Variants in NDUFS4 observed in about 807,000 individuals in gnomAD.
The protein encoded by NDUFS4 is NADH:ubiquinone oxidoreductase subunit S4, also known as NADH dehydrogenase [ubiquinone] iron-sulfur protein 4, mitochondrial.
A neutral mutation model predicts 24.3 loss-of-function variants in NDUFS4; 28 were observed. The observed-to-expected ratio is 1.15, with a 90% CI of 0.85 to 1.58. The LOEUF is 1.58. NDUFS4 is among the 40% of genes most tolerant of loss of function. The pLI, the probability that NDUFS4 is intolerant of heterozygous loss-of-function variation, is 0.00. For missense variants in NDUFS4, 223 were observed against 207.9 expected (o/e 1.07, Z -0.45); for synonymous variants, 93 against 69.7 (o/e 1.34, Z -1.67).
chr5:53,667,416 G>A (rs1427853989), intron 4 of NDUFS4, among the ~76,000 whole-genome samples: 2 of 150,556 alleles, frequency 1.3e-5, no homozygotes, highest in African/African-American at 4.9e-5. Context: ...AGTGAGCTGA[G>A]ATCGTGCCAT....
intron 2 of NDUFS4, among the ~76,000 whole-genome samples, chr5:53,612,581 ATGT>A (rs1228626252): frequency 2.0e-5 from 3 of 152,106 alleles, no homozygotes; most frequent in East Asian, 3.8e-4. Flanking sequence ...TGTAAAACAA[ATGT>A]TGTCAGTATT....
rs1420528593 is a variant in NDUFS4 at position 53,617,137 on chromosome 5, C to A, written c.177+13607C>A. Among the ~76,000 whole-genome samples, 13 of 152,278 alleles carry A rather than the reference C, an allele frequency of 8.5e-5. No individual in the cohort carries two copies. The East Asian group carries it at 2.5e-3, about 29-fold the overall frequency. ...ATAAATTGGCTGAGGTGCTGTCCAC[C>A]AGTTTGGTGCTGATAGCTTCAAATA... is the stretch of plus-strand genomic sequence containing the variant. On this transcript the variant is annotated intron_variant, in intron 2 of 4. Coordinates refer to ENST00000296684, the MANE Select transcript of NDUFS4 (RefSeq NM_002495.4).
intron 3 of NDUFS4, among the ~76,000 whole-genome samples, chr5:53,648,868 T>A (rs1254747369): frequency 1.3e-5 from 2 of 152,058 alleles, no homozygotes; most frequent in Non-Finnish European, 2.9e-5. Flanking sequence ...AAACACAATA[T>A]CCCCACCAAT....
intron 4 of NDUFS4, among the ~76,000 whole-genome samples, chr5:53,673,936 T>G (rs1173197670): frequency 6.6e-6 from 1 of 152,154 alleles, no homozygotes; most frequent in Non-Finnish European, 1.5e-5. Context: ...AGATACAGCC[T>G]CTCTGTAGCA....
intron 1 of NDUFS4, among the ~76,000 whole-genome samples, chr5:53,601,196 G>T (rs1750310830): frequency 6.6e-6 from 1 of 151,710 alleles, no homozygotes; most frequent in Non-Finnish European, 1.5e-5. Flanking sequence ...GTAGAGACGG[G>T]GTTTCACCGT....
chr5:53,651,411 C>G (rs1475025665), intron 3 of NDUFS4, among the ~76,000 whole-genome samples: 1 of 151,830 alleles, frequency 6.6e-6, no homozygotes, highest in Non-Finnish European at 1.5e-5. Context: ...TATCACTTAA[C>G]TAAGAAATAA....
intron 1 of NDUFS4, among the ~76,000 whole-genome samples, chr5:53,566,849 A>ATT (rs34167752): frequency 0.034 from 4,674 of 136,608 alleles, 306 homozygotes; most frequent in African/African-American, 0.12. Flanking sequence ...ACCGCCAAGT[A>ATT]TTTTTTTTTT....
rs3085740 is a variant in NDUFS4 at position 53,682,946 on chromosome 5, GGATT to G, written c.425-167_425-164del. 0.78 allele frequency among the ~76,000 whole-genome samples: 118,577 copies of G among 151,524 alleles called. 46,517 individuals are homozygous for G. Among genetic ancestry groups the G allele is most frequent in the African/African-American group, 0.83 (34,426 of 41,336 alleles). On this transcript the variant is annotated intron_variant, in intron 4 of 4. Transcript: ENST00000296684. Reference sequence around the variant, plus strand: ...ATCTTTTGGACCCTTTTCTCACAGAGGATTGATTATAAGGGAACAAATAGTAAGT... The same window carrying G: ...ATCTTTTGGACCCTTTTCTCACAGAGGATTATAAGGGAACAAATAGTAAGT...
At chr5:53,584,058 C>G (rs1032005158) in intron 1 of NDUFS4, among the ~76,000 whole-genome samples, 3 of 152,184 alleles carry the variant, frequency 2.0e-5, no homozygotes, top group African/African-American at 7.2e-5. Flanking sequence ...CCTGCTGCAT[C>G]TCACTTACAC....
chr5:53,646,605 G>A (rs1015599101), intron 3 of NDUFS4, among the ~76,000 whole-genome samples, 200 bp downstream of exon 3: 38 of 152,174 alleles, frequency 2.5e-4, no homozygotes, highest in African/African-American at 8.9e-4. Context: ...AGTAAACTAT[G>A]ACATAGTCTT....
intron 2 of NDUFS4, among the ~76,000 whole-genome samples, chr5:53,632,441 A>C (rs1415480684): frequency 6.6e-6 from 1 of 152,162 alleles, no homozygotes; most frequent in African/African-American, 2.4e-5. Context: ...AGAACTTCTC[A>C]TTACTTGTCC....
intron 1 of NDUFS4, among the ~76,000 whole-genome samples, chr5:53,595,186 G>T (rs911502602): frequency 1.3e-5 from 2 of 152,030 alleles, no homozygotes; most frequent in African/African-American, 4.8e-5. Context: ...CTGTTACCTG[G>T]CAAGGAAATC....
intron 4 of NDUFS4, among the ~76,000 whole-genome samples, chr5:53,681,657 A>C (rs556317401): frequency 2.0e-5 from 3 of 152,120 alleles, no homozygotes; most frequent in Non-Finnish European, 2.9e-5. Context: ...TGAACAAGTA[A>C]ATTAATATTT....
rs146871736 is a variant in NDUFS4 at position 53,667,643 on chromosome 5, A to G, written c.424+9019A>G. On this transcript the variant is annotated intron_variant, in intron 4 of 4. Transcript: ENST00000296684. ...CAACTAAAATCATTTGTTGTCAGCT[A>G]GTGCTATTGAAGGTTGAGTGAACCG... Among the ~76,000 whole-genome samples, 468 of 152,246 alleles carry G rather than the reference A, an allele frequency of 3.1e-3. 2 individuals are homozygous for G. The highest frequency in any genetic ancestry group is 0.01 in the African/African-American group (416 of 41,542).
rs180879768 is a variant in NDUFS4 at position 53,583,218 on chromosome 5, A to G, written c.99-20234A>G. On this transcript the variant is annotated intron_variant, in intron 1 of 4. Transcript: ENST00000296684. ...TATGAAATAACTGTTTGGGTTTTCAATATAGCCATCATGGACAATGTCAGA... is the reference window on the plus strand; with the variant it reads ...TATGAAATAACTGTTTGGGTTTTCAGTATAGCCATCATGGACAATGTCAGA... Among the ~76,000 whole-genome samples, 38 of 152,300 alleles carry G rather than the reference A, an allele frequency of 2.5e-4. No homozygotes were observed. The East Asian group carries it at 5.2e-3, about 21-fold the overall frequency.
chr5:53,646,340 G>T lies in NDUFS4; in HGVS notation c.285G>T (p.Lys95Asn), dbSNP rs1751862843. ...TGCAGTCTGGAGTAAACAACACAAA[G>T]AAATGGAAGATGGAGTTTGATACCA... ...NNMQSGVNNTKKWKMEFDTRE... is the reference protein window; with the variant it reads ...NNMQSGVNNTNKWKMEFDTRE... Residue 95 changes from lysine to asparagine, a missense_variant, in exon 3 of 5, where the codon AAG becomes AAT. Lys to Asn is a moderately conservative substitution (Grantham distance 94). Transcript: ENST00000296684. The T allele has an allele frequency of 6.2e-7, 1 of 1,613,754 alleles. No individual in the cohort carries two copies. Among genetic ancestry groups the T allele is most frequent in the South Asian group, 1.1e-5 (1 of 91,074 alleles).
chr5:53,660,997 T>C (rs1014960321), intron 4 of NDUFS4, among the ~76,000 whole-genome samples: 15 of 152,230 alleles, frequency 9.9e-5, no homozygotes, highest in South Asian at 2.1e-4. Flanking sequence ...AGAAACTCTT[T>C]AGTTTGATTA....
At chr5:53,650,444 A>G (rs989945704) in intron 3 of NDUFS4, among the ~76,000 whole-genome samples, 1 of 152,190 alleles carries the variant, frequency 6.6e-6, no homozygotes, top group Non-Finnish European at 1.5e-5. Context: ...AAATCTGTGT[A>G]TTTTTGGGCT....
chr5:53,628,320 A>G (rs948737455), intron 2 of NDUFS4, among the ~76,000 whole-genome samples: 4 of 152,200 alleles, frequency 2.6e-5, no homozygotes, highest in Non-Finnish European at 5.9e-5. Context: ...GATGTTCATC[A>G]TGGGTATTGG....
Sources: gnomAD v4.1 joint callset for allele counts (sites outside exome capture counted in the v4.1 genomes callset) on GRCh38, gnomAD v4.1.1 for gene constraint, MANE v1.5 for transcripts, NCBI Gene and HGNC (gene_info 2026-07-23, HGNC 2026-07-21) for gene names.